ASTN2: variants seen among roughly 807,000 people sequenced by gnomAD.
ASTN2 encodes astrotactin 2, also known as astrotactin-2.
Under a neutral mutation model 139.8 loss-of-function variants are expected in ASTN2, and 54 were observed. That is an observed-to-expected ratio of 0.39 (90% CI 0.31 to 0.48). The LOEUF (loss-of-function observed/expected upper bound fraction) is 0.48, where lower values mean the gene tolerates loss of function less well. Ranked by LOEUF, ASTN2 falls within the 20% of genes least tolerant of loss-of-function variation. The probability of loss-of-function intolerance (pLI) is 0.95; values close to 1 mark genes in which losing one functional copy is unlikely to be tolerated. For missense variants in ASTN2, 1,565 were observed against 1,725.1 expected (o/e 0.91, Z 1.64); for synonymous variants, 756 against 719.5 (o/e 1.05, Z -0.81).
chr9:116,493,342 C>T (rs986706381), intron 19 of ASTN2, among the ~76,000 whole-genome samples: 1 of 152,158 alleles, frequency 6.6e-6, no homozygotes, highest in African/African-American at 2.4e-5. Flanking sequence ...ACATTCTTTT[C>T]CTGTTTTTCT....
At chr9:117,198,946 T>A (rs1009873100) in intron 3 of ASTN2, among the ~76,000 whole-genome samples, 1 of 152,216 alleles carries the variant, frequency 6.6e-6, no homozygotes, top group African/African-American at 2.4e-5. Flanking sequence ...TTGAGAAGTG[T>A]CTGTTCATAT....
chr9:116,675,316 C>T (rs868647016), intron 16 of ASTN2, among the ~76,000 whole-genome samples: 5 of 152,152 alleles, frequency 3.3e-5, no homozygotes, highest in South Asian at 2.1e-4. Flanking sequence ...GGATTGGTGA[C>T]TATCCTAGGT....
chr9:116,830,520 G>A (rs530354328), intron 11 of ASTN2, among the ~76,000 whole-genome samples: 13 of 152,136 alleles, frequency 8.5e-5, no homozygotes, highest in African/African-American at 1.4e-4. Context: ...GGTCGGTCAC[G>A]GTGGCTCAAG....
chr9:116,641,051 G>A (rs1312398089), intron 17 of ASTN2, among the ~76,000 whole-genome samples: 1 of 152,190 alleles, frequency 6.6e-6, no homozygotes, highest in Non-Finnish European at 1.5e-5. Flanking sequence ...AGAAAATACT[G>A]TCAGAAGAAA....
intron 12 of ASTN2, 137 bp downstream of exon 12, chr9:116,820,480 C>G: frequency 8.5e-7 from 1 of 1,183,234 alleles, no homozygotes; most frequent in South Asian, 1.6e-5. Context: ...GGCTCTTGGA[C>G]TAAAACAGGA....
At chr9:116,992,610 C>T (rs1836890883) in intron 7 of ASTN2, among the ~76,000 whole-genome samples, 1 of 152,182 alleles carries the variant, frequency 6.6e-6, no homozygotes, top group African/African-American at 2.4e-5. Flanking sequence ...ACTTGTATCA[C>T]ATACCTGCTT....
intron 1 of ASTN2, among the ~76,000 whole-genome samples, chr9:117,339,282 G>A (rs558726861): frequency 6.6e-6 from 1 of 152,286 alleles, no homozygotes; most frequent in South Asian, 2.1e-4. Flanking sequence ...ACTTCAATGT[G>A]TCTAACTCCA....
At chr9:116,529,148 G>A (rs189758132) in intron 19 of ASTN2, among the ~76,000 whole-genome samples, 1 of 152,282 alleles carries the variant, frequency 6.6e-6, no homozygotes, top group Non-Finnish European at 1.5e-5. Context: ...TAGAAAAGCT[G>A]CAAGCACTCA....
At chr9:116,516,207 G>A (rs1264326248) in intron 19 of ASTN2, among the ~76,000 whole-genome samples, 2 of 152,150 alleles carry the variant, frequency 1.3e-5, no homozygotes, top group Middle Eastern at 3.2e-3. Flanking sequence ...AGAAATAAAG[G>A]TTGAGACTTA....
intron 4 of ASTN2, among the ~76,000 whole-genome samples, chr9:117,113,087 C>A (rs1276032049): frequency 1.3e-5 from 2 of 152,176 alleles, no homozygotes; most frequent in Non-Finnish European, 2.9e-5. Context: ...ATCAGTCTTA[C>A]CAGTCTTGAC....
chr9:117,286,344 T>G (rs1301449256), intron 2 of ASTN2, among the ~76,000 whole-genome samples: 1 of 140,690 alleles, frequency 7.1e-6, no homozygotes, highest in African/African-American at 2.5e-5. Context: ...AGATAAACTC[T>G]TCCCACTTTC....
intron 1 of ASTN2, among the ~76,000 whole-genome samples, chr9:117,340,331 CAAAAAAAAAAAAAAAAAA>C (rs56228779): frequency 2.5e-5 from 1 of 40,190 alleles, no homozygotes; most frequent in African/African-American, 1.0e-4. Flanking sequence ...GACTCAGTCT[CAAAAAAAAAAAAAAAAAA>C]AAAAAAAAAA....
chr9:117,083,004 T>C (rs1483900176), intron 5 of ASTN2, among the ~76,000 whole-genome samples: 1 of 152,184 alleles, frequency 6.6e-6, no homozygotes, highest in Admixed American at 6.5e-5. Context: ...GTTCCTCTTT[T>C]CTTTTCATCA....
chr9:116,620,464 G>A, intron 17 of ASTN2, 21 bp from the exon 18 acceptor site: 1 of 1,613,810 alleles, frequency 6.2e-7, no homozygotes, highest in Non-Finnish European at 8.5e-7. Flanking sequence ...AAAGAGGACA[G>A]AATAGACAAT....
intron 2 of ASTN2, among the ~76,000 whole-genome samples, chr9:117,268,637 C>T (rs1368373652): frequency 6.6e-6 from 1 of 152,166 alleles, no homozygotes; most frequent in Non-Finnish European, 1.5e-5. Context: ...AACACAAGAC[C>T]TTGTGCATAT....
intron 19 of ASTN2, among the ~76,000 whole-genome samples, chr9:116,603,930 T>C (rs1334843216): frequency 2.0e-5 from 3 of 152,166 alleles, no homozygotes; most frequent in African/African-American, 7.2e-5. Context: ...TTGATCCATA[T>C]AATTAATTAG....
chr9:116,868,806 C>G (rs1255615513), intron 10 of ASTN2, among the ~76,000 whole-genome samples: 1 of 152,234 alleles, frequency 6.6e-6, no homozygotes, highest in African/African-American at 2.4e-5. Flanking sequence ...CTTAGCTTTC[C>G]TTGGCTGGCA....
intron 10 of ASTN2, among the ~76,000 whole-genome samples, chr9:116,962,789 G>A (rs1835907209): frequency 6.6e-6 from 1 of 152,170 alleles, no homozygotes; most frequent in South Asian, 2.1e-4. Flanking sequence ...TAGGCACTGG[G>A]ATGCAAGAAA....
At chr9:117,124,288 C>T (rs558994775) in intron 4 of ASTN2, among the ~76,000 whole-genome samples, 11 of 152,178 alleles carry the variant, frequency 7.2e-5, no homozygotes, top group South Asian at 2.1e-4. Context: ...TGTTATGGGA[C>T]GATTTCTACA....
Sources: gnomAD v4.1 joint callset for allele counts (sites outside exome capture counted in the v4.1 genomes callset) on GRCh38, gnomAD v4.1.1 for gene constraint, MANE v1.5 for transcripts, NCBI Gene and HGNC (gene_info 2026-07-23, HGNC 2026-07-21) for gene names.